ANK1: variants seen among roughly 807,000 people sequenced by gnomAD.
ANK1 encodes ankyrin-1.
ANK1 carries 51 observed loss-of-function variants against 210.4 expected under a neutral mutation model. The observed-to-expected ratio is 0.24, with a 90% CI of 0.19 to 0.31. The LOEUF is 0.31. Among genes scored for constraint, ANK1 ranks in the 10% least tolerant of loss-of-function variants. The probability of loss-of-function intolerance (pLI) is 1.00; values close to 1 mark genes in which losing one functional copy is unlikely to be tolerated. For synonymous variants in ANK1, 967 were observed against 1,025.9 expected (o/e 0.94, Z 1.10); for missense variants, 2,051 against 2,504.4 (o/e 0.82, Z 3.86).
chr8:41,837,176 A>G (rs1200859748), intron 1 of ANK1, among the ~76,000 whole-genome samples: 1 of 152,238 alleles, frequency 6.6e-6, no homozygotes, highest in African/African-American at 2.4e-5. Flanking sequence ...GAGTAATTTT[A>G]AGTCTCAGGT....
At chr8:41,710,109 C>T (rs892654856) in intron 16 of ANK1, among the ~76,000 whole-genome samples, 2 of 149,400 alleles carry the variant, frequency 1.3e-5, no homozygotes, top group Non-Finnish European at 3.0e-5. Context: ...GATAGCAAGA[C>T]TGTCTCAGTG....
chr8:41,678,776 CTTTT>C (rs993049414), intron 37 of ANK1, among the ~76,000 whole-genome samples: 10 of 152,032 alleles, frequency 6.6e-5, no homozygotes, highest in African/African-American at 2.4e-4. Context: ...TTTGCTAATT[CTTTT>C]TTTGTTTGTT....
Position 41,742,495 on chromosome 8 carries a change from C to T in ANK1, c.130-8426G>A, listed in dbSNP as rs188707173. Among the ~76,000 whole-genome samples the T allele has an allele frequency of 1.4e-4, 21 of 152,328 alleles. No homozygotes were observed. The East Asian group carries it at 3.1e-3, about 22-fold the overall frequency. On this transcript the variant is annotated intron_variant, in intron 2 of 42. Coordinates refer to ENST00000289734, the MANE Select transcript of ANK1 (RefSeq NM_000037.4). ...GGAGCAGGCAGCTTCAGCTGCATCC[C>T]GTGACTGAGGACCTCCCCACCCCAC...
Position 41,714,184 on chromosome 8 carries a change from C to G in ANK1, c.1772G>C (p.Arg591Pro). 1.4e-6 allele frequency: 2 copies of G among 1,461,582 alleles called. No individual in the cohort carries two copies. Among genetic ancestry groups the G allele is most frequent in the Admixed American group, 2.0e-5 (1 of 50,934 alleles). The allele number at this position is 1,461,582 out of a possible 1,614,324, so 90.5% of individuals were successfully genotyped here. A position where few individuals can be genotyped will look rare whatever the true frequency, so the allele number is the denominator to read the frequency against. The stretch of plus-strand genomic sequence containing the variant: ...GGCAGGGCTGTGCGGGGAGCCGCCC[C>G]GGGGAAGCAGCAGCTTGACGATGTC... ...NLDIVKLLLPRGGSPHSPAWN... is the reference protein window; with the variant it reads ...NLDIVKLLLPPGGSPHSPAWN... Residue 591 changes from arginine (R) to proline (P), a missense_variant, in exon 16 of 43, where the codon CGG (arginine) becomes CCG (proline). By Grantham distance (103) the Arg-to-Pro change is moderately radical. Coordinates refer to ENST00000289734, the MANE Select transcript of ANK1 (RefSeq NM_000037.4).
At chr8:41,836,841 G>A (rs1485732834) in intron 1 of ANK1, among the ~76,000 whole-genome samples, 1 of 151,728 alleles carries the variant, frequency 6.6e-6, no homozygotes. Context: ...GATCACTTGA[G>A]CCCAGGAGTG....
chr8:41,717,025 T>G lies in ANK1; in HGVS notation c.1332A>C (p.Ala444=). Reference sequence around the variant, plus strand: ...CCACTTCCGTGTGCCCGGCTCTGGCTGCCATGTGTAGCGGGGTCTCCACTT... The same window carrying G: ...CCACTTCCGTGTGCCCGGCTCTGGCGGCCATGTGTAGCGGGGTCTCCACTT... The part of the protein sequence containing the change: ...NVKVETPLHM[A]ARAGHTEVAK... The change falls in exon 13 of 43, where the codon GCA becomes GCC. Residue 444 remains alanine, a synonymous_variant. Transcript: ENST00000289734. 1 of 1,614,266 alleles carries G rather than the reference T, an allele frequency of 6.2e-7. No homozygotes were observed. Among genetic ancestry groups the G allele is most frequent in the Non-Finnish European group, 8.5e-7 (1 of 1,180,046 alleles).
intron 23 of ANK1, 100 bp from the exon 24 acceptor site, chr8:41,698,221 C>G: frequency 8.0e-7 from 1 of 1,248,080 alleles, no homozygotes; most frequent in South Asian, 1.2e-5. Flanking sequence ...CTTTCCACTC[C>G]AGAGCCTGAC....
chr8:41,699,680 G>A (rs1488478136), intron 22 of ANK1, 132 bp from the exon 23 acceptor site: 3 of 811,264 alleles, frequency 3.7e-6, no homozygotes, highest in Non-Finnish European at 6.2e-6. Flanking sequence ...GATGCTGCAA[G>A]GAGACTGGGA....
chr8:41,797,650 C>G, upstream of ANK1: 2 of 1,507,192 alleles, frequency 1.3e-6, no homozygotes, highest in Non-Finnish European at 1.8e-6. The surrounding 1 kb of genome is among the most constrained non-coding windows in gnomAD (Gnocchi z 4.0). Context: ...CGGGCCAGGC[C>G]CCCGAGGGCC....
intron 39 of ANK1, 26 bp from the exon 40 acceptor site, chr8:41,663,768 G>A (rs1297282694): frequency 6.3e-7 from 1 of 1,581,350 alleles, no homozygotes; most frequent in Non-Finnish European, 8.7e-7. Flanking sequence ...GGGAGAAAAT[G>A]CAAGATTGGT....
At chr8:41,831,589 A>G (rs1311942258) in intron 1 of ANK1, among the ~76,000 whole-genome samples, 1 of 149,926 alleles carries the variant, frequency 6.7e-6, no homozygotes, top group African/African-American at 2.5e-5. Context: ...TGGAGGTTAC[A>G]AGTGAGCCAA....
chr8:41,736,184 CAGG>C (rs1833362047), intron 2 of ANK1, among the ~76,000 whole-genome samples: 2 of 152,292 alleles, frequency 1.3e-5, no homozygotes, highest in African/African-American at 4.8e-5. Flanking sequence ...GATGGGAATC[CAGG>C]AGAAGGGGAG....
chr8:41,690,729 G>C (rs957239106), intron 31 of ANK1, 130 bp from the exon 32 acceptor site: 11 of 1,419,024 alleles, frequency 7.8e-6, no homozygotes, highest in Non-Finnish European at 1.1e-5. Context: ...TGTGTGCTGA[G>C]AAATCCACTG....
At chr8:41,854,198 G>C (rs974870959) in intron 1 of ANK1, among the ~76,000 whole-genome samples, 3 of 152,220 alleles carry the variant, frequency 2.0e-5, no homozygotes, top group Non-Finnish European at 4.4e-5. Context: ...CCAGGAGAGA[G>C]AGAACATCTT....
At chr8:41,893,221 C>T (rs1457090459) in intron 1 of ANK1, among the ~76,000 whole-genome samples, 2 of 152,220 alleles carry the variant, frequency 1.3e-5, no homozygotes, top group Non-Finnish European at 2.9e-5. Context: ...CATGCAAATG[C>T]CTGCTTTACA....
intron 35 of ANK1, among the ~76,000 whole-genome samples, chr8:41,687,116 C>T (rs1817899351): frequency 6.6e-6 from 1 of 152,186 alleles, no homozygotes; most frequent in South Asian, 2.1e-4. Context: ...CAAAAGGTTT[C>T]TGAGTGTGTC....
intron 1 of ANK1, among the ~76,000 whole-genome samples, chr8:41,841,460 T>C (rs1196914228): frequency 6.6e-6 from 1 of 152,188 alleles, no homozygotes; most frequent in Admixed American, 6.5e-5. Flanking sequence ...CTATCCACTG[T>C]ACAACATGCT....
chr8:41,672,393 G>A lies in ANK1; in HGVS notation c.5057C>T (p.Ser1686Phe), dbSNP rs146413126. ...CTCCGTCACCTGACTCACGGTGGGG[G>A]AATGTGTGATTCGGGCTTGCCCCCT... ...HQRGQARITH[S>F]PTVSQVTERS... Residue 1686 changes from serine (S) to phenylalanine (F), a missense_variant, in exon 38 of 43, where the codon TCC becomes TTC. Transcript: ENST00000289734. 3 of 1,614,206 alleles carry A rather than the reference G, an allele frequency of 1.9e-6. No individual in the cohort carries two copies. Among genetic ancestry groups the A allele is most frequent in the African/African-American group, 1.3e-5 (1 of 75,058 alleles).
rs553156871 is a variant in ANK1, at chr8:41,849,325, C to T, written c.126+47030G>A. Among the ~76,000 whole-genome samples the T allele has an allele frequency of 7.9e-5, 12 of 152,324 alleles. No homozygotes were observed. The East Asian group carries it at 2.3e-3, about 29-fold the overall frequency. Reference sequence around the variant, plus strand: ...ATGGCAGCTCTTCTTTGGCCTTGGCCTTTGGCCTTGGGCTGTGGTGAAACC... The same window carrying T: ...ATGGCAGCTCTTCTTTGGCCTTGGCTTTTGGCCTTGGGCTGTGGTGAAACC... On this transcript the variant is annotated intron_variant, in intron 1 of 42. Coordinates refer to the ANK1 transcript ENST00000265709.
Sources: allele counts gnomAD v4.1 joint callset (sites outside exome capture counted in the v4.1 genomes callset), GRCh38; gene constraint gnomAD v4.1.1; non-coding constraint Gnocchi (gnomAD v3.1); transcripts MANE v1.5; gene names NCBI Gene and HGNC (gene_info 2026-07-23, HGNC 2026-07-21).